PTPRK: variants seen among roughly 807,000 people sequenced by gnomAD.
PTPRK encodes the protein protein tyrosine phosphatase receptor type K.
PTPRK carries 75 observed loss-of-function variants against 178.0 expected under a neutral mutation model. The ratio of observed to expected loss-of-function variants is 0.42; its 90% CI spans 0.35 to 0.51. The LOEUF (loss-of-function observed/expected upper bound fraction) is 0.51. PTPRK is among the 20% of genes least tolerant of loss of function. The pLI, the probability that PTPRK is intolerant of heterozygous loss-of-function variation, is 0.02. For missense variants in PTPRK, 1,441 were observed against 1,797.8 expected (o/e 0.80, Z 3.59); for synonymous variants, 637 against 620.6 (o/e 1.03, Z -0.39).
chr6:128,474,007 C>G (rs796122597), intron 1 of PTPRK, among the ~76,000 whole-genome samples: 4 of 152,180 alleles, frequency 2.6e-5, no homozygotes, highest in African/African-American at 7.2e-5. Context: ...GGCCACAGAT[C>G]TTCATGCAAT....
At chr6:128,126,912 A>G (rs1313269229) in intron 7 of PTPRK, among the ~76,000 whole-genome samples, 3 of 152,220 alleles carry the variant, frequency 2.0e-5, no homozygotes, top group Non-Finnish European at 4.4e-5. Context: ...CTAGCAATAA[A>G]TGAAAATTCC....
intron 13 of PTPRK, among the ~76,000 whole-genome samples, chr6:128,033,476 T>C (rs549583693): frequency 1.8e-4 from 28 of 152,354 alleles, no homozygotes; most frequent in Non-Finnish European, 3.2e-4. Context: ...TCTGCTATTA[T>C]TGCATTCAAA....
intron 3 of PTPRK, among the ~76,000 whole-genome samples, chr6:128,283,703 T>G (rs530257463): frequency 6.6e-5 from 10 of 152,270 alleles, no homozygotes; most frequent in Non-Finnish European, 1.2e-4. Flanking sequence ...ATTTATTATA[T>G]TAAGAAAATA....
chr6:128,061,340 A>G (rs1442725445), intron 13 of PTPRK, among the ~76,000 whole-genome samples: 1 of 152,212 alleles, frequency 6.6e-6, no homozygotes, highest in African/African-American at 2.4e-5. Context: ...GAAAAAAAGC[A>G]ACAGACTGTT....
At chr6:128,241,660 T>G (rs966147922) in intron 4 of PTPRK, among the ~76,000 whole-genome samples, 2 of 152,220 alleles carry the variant, frequency 1.3e-5, no homozygotes, top group Non-Finnish European at 2.9e-5. Context: ...CAGTAATTGT[T>G]TTTCATGGAC....
intron 5 of PTPRK, among the ~76,000 whole-genome samples, chr6:128,235,959 T>C (rs1259669496): frequency 6.6e-6 from 1 of 152,218 alleles, no homozygotes; most frequent in East Asian, 1.9e-4. Context: ...ATATAACTTT[T>C]ATTACAGTAT....
intron 6 of PTPRK, among the ~76,000 whole-genome samples, chr6:128,218,291 T>A (rs372852383): frequency 6.6e-6 from 1 of 152,226 alleles, no homozygotes; most frequent in East Asian, 1.9e-4. Flanking sequence ...TAAGAGGGAC[T>A]CTATACATCT....
At chr6:128,218,585 C>T (rs1207840527) in intron 6 of PTPRK, among the ~76,000 whole-genome samples, 2 of 152,128 alleles carry the variant, frequency 1.3e-5, no homozygotes, top group Non-Finnish European at 2.9e-5. Context: ...GTAGTATCCG[C>T]AGAACTGTTT....
intron 7 of PTPRK, among the ~76,000 whole-genome samples, chr6:128,147,273 T>A (rs2114539244): frequency 6.6e-6 from 1 of 152,308 alleles, no homozygotes; most frequent in East Asian, 1.9e-4. Flanking sequence ...AATAATCTGC[T>A]TAAAGCTAAA....
At chr6:128,325,009 A>G (rs1263807954) in intron 2 of PTPRK, among the ~76,000 whole-genome samples, 1 of 152,188 alleles carries the variant, frequency 6.6e-6, no homozygotes, top group Non-Finnish European at 1.5e-5. Flanking sequence ...TTGTTCTGTT[A>G]CCAGCTAACT....
chr6:128,010,096 T>C (rs1778883156), intron 13 of PTPRK, among the ~76,000 whole-genome samples: 1 of 151,274 alleles, frequency 6.6e-6, no homozygotes, highest in Non-Finnish European at 1.5e-5. Flanking sequence ...TATTATTATC[T>C]ACACTTTATC....
At chr6:128,399,917 C>G (rs1199717718) in intron 1 of PTPRK, among the ~76,000 whole-genome samples, 8 of 152,170 alleles carry the variant, frequency 5.3e-5, no homozygotes, top group Non-Finnish European at 1.5e-5. Context: ...GTCTACTTGA[C>G]TTGAGTAATA....
intron 6 of PTPRK, among the ~76,000 whole-genome samples, chr6:128,201,649 AG>A (rs1413759479): frequency 2.0e-5 from 3 of 152,174 alleles, no homozygotes; most frequent in Non-Finnish European, 4.4e-5. Context: ...GCTTGAAGCC[AG>A]GATTTCAAGA....
chr6:128,095,906 T>G (rs551635143), intron 7 of PTPRK, among the ~76,000 whole-genome samples: 1 of 152,320 alleles, frequency 6.6e-6, no homozygotes, highest in African/African-American at 2.4e-5. Flanking sequence ...AAATTAAAAA[T>G]ACATATATTC....
chr6:128,497,240 G>A (rs1854810602), intron 1 of PTPRK, among the ~76,000 whole-genome samples: 1 of 152,090 alleles, frequency 6.6e-6, no homozygotes, highest in South Asian at 2.1e-4. Flanking sequence ...CCCAGGAAGA[G>A]GAGGAAAAAA....
intron 1 of PTPRK, among the ~76,000 whole-genome samples, chr6:128,500,253 A>G (rs1358703940): frequency 6.6e-6 from 1 of 152,230 alleles, no homozygotes; most frequent in African/African-American, 2.4e-5. Flanking sequence ...GGCCCTGCTG[A>G]ATAAACAGAA....
chr6:128,225,940 T>C (rs978368809), intron 5 of PTPRK, among the ~76,000 whole-genome samples: 4 of 152,136 alleles, frequency 2.6e-5, no homozygotes, highest in Non-Finnish European at 5.9e-5. Flanking sequence ...GTGCTGGAGA[T>C]AGCAAATACT....
chr6:128,515,255 T>C (rs188381832), intron 1 of PTPRK, among the ~76,000 whole-genome samples: 1 of 152,336 alleles, frequency 6.6e-6, no homozygotes, highest in African/African-American at 2.4e-5. Flanking sequence ...AAAAGATTAG[T>C]TCATGGATAT....
At chr6:128,404,546 T>G (rs374328382) in intron 1 of PTPRK, among the ~76,000 whole-genome samples, 1 of 152,198 alleles carries the variant, frequency 6.6e-6, no homozygotes, top group African/African-American at 2.4e-5. Flanking sequence ...GCATATCCAT[T>G]GTAGCAGGGG....
Sources: gnomAD v4.1 joint callset for allele counts (sites outside exome capture counted in the v4.1 genomes callset) on GRCh38, gnomAD v4.1.1 for gene constraint, MANE v1.5 for transcripts, NCBI Gene and HGNC (gene_info 2026-07-23, HGNC 2026-07-21) for gene names.